PCCA: variants seen among roughly 807,000 people sequenced by gnomAD.
PCCA encodes the protein propionyl-CoA carboxylase alpha chain, mitochondrial.
PCCA carries 74 observed loss-of-function variants against 101.3 expected under a neutral mutation model. That is an observed-to-expected ratio of 0.73 (90% CI 0.61 to 0.89). The LOEUF (loss-of-function observed/expected upper bound fraction) is 0.89, where lower values mean the gene tolerates loss of function less well. Among genes scored for constraint, PCCA ranks in the 40% least tolerant of loss-of-function variants. The pLI is 0.00. For missense variants in PCCA, 891 were observed against 907.0 expected, an observed-to-expected ratio of 0.98 and a Z score of 0.23; for synonymous variants, 294 against 313.6, an observed-to-expected ratio of 0.94 and a Z score of 0.66.
At chr13:100,215,025 G>C (rs184455552) in intron 7 of PCCA, among the ~76,000 whole-genome samples, 1 of 152,240 alleles carries the variant, frequency 6.6e-6, no homozygotes, top group Admixed American at 6.5e-5. Flanking sequence ...TCTATCCTTT[G>C]CATTGTATGT....
At chr13:100,431,871 AAATAAT>A (rs1205649706) in intron 20 of PCCA, among the ~76,000 whole-genome samples, 2 of 150,378 alleles carry the variant, frequency 1.3e-5, no homozygotes, top group African/African-American at 2.5e-5. Flanking sequence ...ATCTCAAAAA[AAATAAT>A]AATAATAAAT....
chr13:100,474,436 C>T (rs1180294688), intron 21 of PCCA, among the ~76,000 whole-genome samples: 1 of 101,106 alleles, frequency 9.9e-6, no homozygotes, highest in African/African-American at 4.2e-5. Flanking sequence ...TATGTATTTA[C>T]TGTTTCTCTC....
chr13:100,189,306 G>A (rs1357560048), intron 6 of PCCA, among the ~76,000 whole-genome samples: 1 of 152,138 alleles, frequency 6.6e-6, no homozygotes, highest in Non-Finnish European at 1.5e-5. Context: ...CATTTCGGTT[G>A]GTTCCATGTC....
intron 6 of PCCA, among the ~76,000 whole-genome samples, chr13:100,198,927 T>C (rs1233649790): frequency 1.3e-5 from 2 of 151,950 alleles, no homozygotes; most frequent in African/African-American, 4.8e-5. Flanking sequence ...TTTTTTTTTT[T>C]TTTTTTTAAG....
intron 17 of PCCA, among the ~76,000 whole-genome samples, chr13:100,337,087 G>T (rs551164112): frequency 6.6e-6 from 1 of 152,258 alleles, no homozygotes; most frequent in Non-Finnish European, 1.5e-5. Context: ...GCTAAAAGGG[G>T]TAGGAAGAAT....
chr13:100,527,677 A>G lies in PCCA; in HGVS notation c.2043A>G (p.Val681=), dbSNP rs745390236. ...VAVSVKPGDA[V]AEGQEICVIE... The stretch of plus-strand genomic sequence containing the variant: ...TTCTGCCCATTTTTGTTTTCCAGGT[A>G]GCAGAAGGTCAAGAAATTTGTGTGA... The change falls in exon 23 of 24, where the codon GTA becomes GTG. Residue 681 remains valine (V), a splice_region_variant and synonymous_variant. Transcript: ENST00000376285. 1.2e-6 allele frequency: 2 copies of G among 1,612,114 alleles called. No individual in the cohort carries two copies. Among genetic ancestry groups the G allele is most frequent in the Non-Finnish European group, 1.7e-6 (2 of 1,178,112 alleles).
chr13:100,274,829 G>A (rs1215184174), intron 12 of PCCA, among the ~76,000 whole-genome samples: 1 of 150,298 alleles, frequency 6.7e-6, no homozygotes, highest in Non-Finnish European at 1.5e-5. Flanking sequence ...GGTTGTGAGT[G>A]GATGTGAATT....
intron 7 of PCCA, among the ~76,000 whole-genome samples, chr13:100,229,705 A>T (rs2060353725): frequency 6.6e-6 from 1 of 152,242 alleles, no homozygotes; most frequent in Non-Finnish European, 1.5e-5. Context: ...TGGAAACCGG[A>T]CACAGCAGTA....
At chr13:100,210,980 G>A (rs1487118433) in intron 7 of PCCA, among the ~76,000 whole-genome samples, 1 of 152,096 alleles carries the variant, frequency 6.6e-6, no homozygotes, top group African/African-American at 2.4e-5. Context: ...CTCCTCCTAC[G>A]CTCCAAATGT....
At chr13:100,131,664 A>G (rs1035172705) in intron 4 of PCCA, among the ~76,000 whole-genome samples, 2 of 152,098 alleles carry the variant, frequency 1.3e-5, no homozygotes, top group African/African-American at 4.8e-5. Flanking sequence ...GTTGGAAAAA[A>G]CTTATGCCTT....
At chr13:100,290,480 G>A (rs1323228550) in intron 12 of PCCA, among the ~76,000 whole-genome samples, 1 of 152,156 alleles carries the variant, frequency 6.6e-6, no homozygotes. Flanking sequence ...CCAAAGTGCT[G>A]GGATTACAGG....
chr13:100,451,090 G>T lies in PCCA; in HGVS notation c.1899+1785G>T, dbSNP rs376787246. On this transcript the variant is annotated intron_variant, in intron 21 of 23. Transcript: ENST00000376285. ...AGTTCAAGTCCAAAGACAGTCCACT[G>T]GCTGAAGCCCTCCTTGCTTGGGGAG... is the stretch of plus-strand genomic sequence containing the variant. 9.2e-5 allele frequency among the ~76,000 whole-genome samples: 14 copies of T among 152,308 alleles called. No homozygotes were observed. In the East Asian group the frequency reaches 2.1e-3, roughly 23 times the overall value.
chr13:100,121,204 T>G (rs2049351673), intron 4 of PCCA, among the ~76,000 whole-genome samples: 2 of 145,608 alleles, frequency 1.4e-5, no homozygotes, highest in Admixed American at 1.4e-4. Flanking sequence ...TCACCCAGGC[T>G]GGAGTGTCGT....
chr13:100,356,927 A>G (rs1271988095), intron 18 of PCCA, among the ~76,000 whole-genome samples: 2 of 152,238 alleles, frequency 1.3e-5, no homozygotes, highest in African/African-American at 2.4e-5. Context: ...TGCAACATGG[A>G]TGAATTTTGC....
In PCCA at chr13:100,176,394, A is replaced by G. The variant is rs375071949; in HGVS notation, c.468+19054A>G. 2.8e-4 allele frequency among the ~76,000 whole-genome samples: 43 copies of G among 152,342 alleles called. No individual in the cohort carries two copies. In the East Asian group the frequency reaches 5.8e-3, roughly 20 times the overall value. On this transcript the variant is annotated intron_variant, in intron 6 of 23. Coordinates refer to ENST00000376285, the MANE Select transcript of PCCA (RefSeq NM_000282.4). Reference sequence around the variant, plus strand: ...TCAGGCCTAGCTGTTTTTAGAAGAAAATGTTATAATTCTTTATACATTTTA... The same window carrying G: ...TCAGGCCTAGCTGTTTTTAGAAGAAGATGTTATAATTCTTTATACATTTTA...
At chr13:100,513,811 G>C (rs191220965) in intron 21 of PCCA, among the ~76,000 whole-genome samples, 161 of 152,354 alleles carry the variant, frequency 1.1e-3, no homozygotes, top group African/African-American at 3.8e-3. Flanking sequence ...CACAGAAGGC[G>C]CAGCTCAGGG....
Position 100,426,578 on chromosome 13 carries a change from G to A in PCCA, c.1845+847G>A, listed in dbSNP as rs911704490. Among the ~76,000 whole-genome samples, 4 of 152,208 alleles carry A rather than the reference G, an allele frequency of 2.6e-5. No homozygotes were observed. The East Asian group carries it at 5.8e-4, about 22-fold the overall frequency. On this transcript the variant is annotated intron_variant, in intron 20 of 23. Transcript: ENST00000376285. Reference sequence around the variant, plus strand: ...TTCTTATCTACCTCTATGAGAGACCGGGATAGTGGACATCAGAATCCACAA... The same window carrying A: ...TTCTTATCTACCTCTATGAGAGACCAGGATAGTGGACATCAGAATCCACAA...
At chr13:100,514,114 G>A (rs998903302) in intron 21 of PCCA, among the ~76,000 whole-genome samples, 1 of 152,190 alleles carries the variant, frequency 6.6e-6, no homozygotes, top group Non-Finnish European at 1.5e-5. Flanking sequence ...GGAGCAAAAA[G>A]CTTTTATTTG....
At chr13:100,118,803 C>G (rs1420767396) in intron 4 of PCCA, among the ~76,000 whole-genome samples, 3 of 152,132 alleles carry the variant, frequency 2.0e-5, no homozygotes. Flanking sequence ...CTTGCCTTGG[C>G]CTCCCAAAGT....
Sources: allele counts gnomAD v4.1 joint callset (sites outside exome capture counted in the v4.1 genomes callset), GRCh38; gene constraint gnomAD v4.1.1; transcripts MANE v1.5; gene names NCBI Gene and HGNC (gene_info 2026-07-23, HGNC 2026-07-21).